Variants in CDCP1 observed in about 807,000 individuals in gnomAD.
The protein encoded by CDCP1 is CUB domain-containing protein 1.
A neutral mutation model predicts 60.2 loss-of-function variants in CDCP1; 29 were observed. The ratio of observed to expected loss-of-function variants is 0.48; its 90% CI spans 0.36 to 0.66. The LOEUF (loss-of-function observed/expected upper bound fraction) is 0.66, where lower values mean the gene tolerates loss of function less well. CDCP1 is among the 30% of genes least tolerant of loss of function. The probability of loss-of-function intolerance (pLI) is 0.00; values close to 1 mark genes in which losing one functional copy is unlikely to be tolerated. For missense variants in CDCP1, 876 were observed against 1,074.3 expected, an observed-to-expected ratio of 0.82 and a Z score of 2.58; for synonymous variants, 387 against 431.1, an observed-to-expected ratio of 0.90 and a Z score of 1.27.
chr3:45,128,346 T>G lies in CDCP1; in HGVS notation c.83-9725A>C, dbSNP rs531993878. Among the ~76,000 whole-genome samples the G allele has an allele frequency of 2.1e-4, 32 of 152,300 alleles. No individual in the cohort carries two copies. The South Asian group carries it at 5.6e-3, about 27-fold the overall frequency. ...CTCTGGCCACATCTCTCAAGATCATTTTGCCATGAGTTACTGTCATGCCAG... is the reference window on the plus strand; with the variant it reads ...CTCTGGCCACATCTCTCAAGATCATGTTGCCATGAGTTACTGTCATGCCAG... On this transcript the variant is annotated intron_variant, in intron 1 of 8. Transcript: ENST00000296129.
intron 2 of CDCP1, among the ~76,000 whole-genome samples, chr3:45,116,580 A>G (rs1698794176): frequency 2.0e-5 from 3 of 152,248 alleles, no homozygotes; most frequent in Admixed American, 2.0e-4. Flanking sequence ...GAGCTGTGAC[A>G]TGATACAAAC....
At chr3:45,127,057 C>T (rs1288059372) in intron 1 of CDCP1, among the ~76,000 whole-genome samples, 3 of 152,168 alleles carry the variant, frequency 2.0e-5, no homozygotes, top group African/African-American at 4.8e-5. Flanking sequence ...GTTGTTCTTA[C>T]CAACAAAGTC....
intron 4 of CDCP1, among the ~76,000 whole-genome samples, chr3:45,104,036 C>G (rs1261253467): frequency 6.6e-6 from 1 of 152,222 alleles, no homozygotes; most frequent in Non-Finnish European, 1.5e-5. Flanking sequence ...AGTTCTGTTG[C>G]CGTCCATTCT....
chr3:45,119,539 C>T (rs1698848024), intron 1 of CDCP1, among the ~76,000 whole-genome samples: 1 of 152,182 alleles, frequency 6.6e-6, no homozygotes, highest in Non-Finnish European at 1.5e-5. Context: ...TAGGGGCTCA[C>T]AGTTCATGTA....
chr3:45,084,344 C>T lies in CDCP1; in HGVS notation c.*1294G>A, dbSNP rs975447775. On this transcript the variant is annotated 3_prime_UTR_variant, in exon 9 of 9. Transcript: ENST00000296129. ...GAAGGTGTGGTAGGCAGAATAACAG[C>T]ACCCCAAAGATGTTCTGGTCCTAAT... 1 of 152,180 alleles carries T rather than the reference C, an allele frequency of 6.6e-6. No homozygotes were observed. The highest frequency in any genetic ancestry group is 1.5e-5 in the Non-Finnish European group (1 of 68,062). 9.4% of individuals were successfully genotyped at this position (152,180 alleles called of 1,614,324 possible).
intron 8 of CDCP1, among the ~76,000 whole-genome samples, chr3:45,087,175 G>A (rs1237969411): frequency 6.6e-6 from 1 of 152,142 alleles, no homozygotes; most frequent in Non-Finnish European, 1.5e-5. Context: ...ATTGTCCCCA[G>A]TACCTCAATG....
chr3:45,141,438 G>A (rs915385339), intron 1 of CDCP1, among the ~76,000 whole-genome samples: 2 of 152,170 alleles, frequency 1.3e-5, no homozygotes, highest in Admixed American at 6.5e-5. Flanking sequence ...GTTTTGCATC[G>A]CTGTGCAGTG....
intron 4 of CDCP1, among the ~76,000 whole-genome samples, chr3:45,109,094 T>C (rs1314565131): frequency 1.3e-5 from 2 of 150,722 alleles, no homozygotes; most frequent in African/African-American, 4.9e-5. Flanking sequence ...GGATTACAGG[T>C]GCGCGCCATC....
Position 45,112,202 on chromosome 3 carries a change from C to A in CDCP1, c.536G>T (p.Ser179Ile). 1.9e-6 allele frequency: 3 copies of A among 1,614,176 alleles called. No homozygotes were observed. Among genetic ancestry groups the A allele is most frequent in the Non-Finnish European group, 2.5e-6 (3 of 1,180,028 alleles). The change falls in exon 3 of 9, where the codon AGC becomes ATC. Residue 179 changes from serine to isoleucine, a missense_variant. Coordinates refer to ENST00000296129, the MANE Select transcript of CDCP1 (RefSeq NM_022842.5). ...ATVVRIGTFC[S>I]NGTVSRIKMQ... The stretch of plus-strand genomic sequence containing the variant: ...CTTGATCCGGGACACAGTGCCATTG[C>A]TGCAGAAGGTTCCGATCCTGACCAC...
At chr3:45,138,145 T>G (rs1699221146) in intron 1 of CDCP1, among the ~76,000 whole-genome samples, 1 of 152,202 alleles carries the variant, frequency 6.6e-6, no homozygotes, top group Non-Finnish European at 1.5e-5. Flanking sequence ...ACTGGTCCAG[T>G]CAGTTCCTTG....
At chr3:45,135,728 G>A (rs1203631120) in intron 1 of CDCP1, among the ~76,000 whole-genome samples, 2 of 152,156 alleles carry the variant, frequency 1.3e-5, no homozygotes, top group Admixed American at 6.5e-5. Flanking sequence ...ATGTCCCACA[G>A]ACCTCAGGCA....
chr3:45,099,535 C>T (rs546635546), intron 4 of CDCP1, among the ~76,000 whole-genome samples: 2 of 152,220 alleles, frequency 1.3e-5, no homozygotes, highest in East Asian at 3.9e-4. Flanking sequence ...CAACTCATAT[C>T]CATCAGTCCT....
At chr3:45,129,066 A>T (rs1699046367) in intron 1 of CDCP1, among the ~76,000 whole-genome samples, 1 of 152,242 alleles carries the variant, frequency 6.6e-6, no homozygotes, top group Non-Finnish European at 1.5e-5. Flanking sequence ...AAGCAATGCT[A>T]GCAGTTCACT....
intron 4 of CDCP1, among the ~76,000 whole-genome samples, chr3:45,099,320 A>C (rs533696336): frequency 1.1e-4 from 16 of 151,986 alleles, no homozygotes; most frequent in Non-Finnish European, 2.2e-4. Context: ...AACTTTGAAG[A>C]TCTTACTCCA....
At chr3:45,139,136 C>T (rs1699240531) in intron 1 of CDCP1, among the ~76,000 whole-genome samples, 1 of 152,174 alleles carries the variant, frequency 6.6e-6, no homozygotes. Context: ...CATGACCCAA[C>T]ACTTCCCATT....
At chr3:45,143,934 CT>C (rs1699338273) in intron 1 of CDCP1, among the ~76,000 whole-genome samples, 1 of 152,222 alleles carries the variant, frequency 6.6e-6, no homozygotes, top group African/African-American at 2.4e-5. Flanking sequence ...AACACCCACA[CT>C]CACCCAGGGA....
At chr3:45,141,269 G>A (rs555511598) in intron 1 of CDCP1, among the ~76,000 whole-genome samples, 4 of 152,158 alleles carry the variant, frequency 2.6e-5, no homozygotes, top group African/African-American at 9.6e-5. Context: ...AAAGGGAGGT[G>A]CCCTACATTA....
chr3:45,110,389 G>A (rs1246920892), intron 4 of CDCP1, 84 bp downstream of exon 4: 7 of 1,533,360 alleles, frequency 4.6e-6, no homozygotes, highest in Non-Finnish European at 6.1e-6. Flanking sequence ...TGAGAAACAG[G>A]AAGGGAGCCT....
intron 4 of CDCP1, among the ~76,000 whole-genome samples, chr3:45,099,676 C>A (rs567108963): frequency 6.6e-6 from 1 of 151,998 alleles, no homozygotes; most frequent in Admixed American, 6.6e-5. Context: ...CTTTCTATCG[C>A]GCTGGCTTTT....
Sources: gnomAD v4.1 joint callset for allele counts (sites outside exome capture counted in the v4.1 genomes callset) on GRCh38, gnomAD v4.1.1 for gene constraint, MANE v1.5 for transcripts, NCBI Gene and HGNC (gene_info 2026-07-23, HGNC 2026-07-21) for gene names.